TBC1D5: variants seen among roughly 807,000 people sequenced by gnomAD.
The protein encoded by TBC1D5 is TBC1 domain family, member 5.
A neutral mutation model predicts 100.3 loss-of-function variants in TBC1D5; 75 were observed. The observed-to-expected ratio is 0.75, with a 90% CI of 0.62 to 0.91. The LOEUF (loss-of-function observed/expected upper bound fraction) is 0.91. TBC1D5 is among the 40% of genes least tolerant of loss of function. TBC1D5 has a pLI of 0.00. For synonymous variants in TBC1D5, 323 were observed against 325.6 expected, an observed-to-expected ratio of 0.99 and a Z score of 0.09; for missense variants, 910 against 942.4, an observed-to-expected ratio of 0.97 and a Z score of 0.45.
chr3:17,531,464 CA>C (rs1427257247), intron 2 of TBC1D5, among the ~76,000 whole-genome samples: 2 of 152,208 alleles, frequency 1.3e-5, no homozygotes, highest in Non-Finnish European at 2.9e-5. Flanking sequence ...CGACTTTCTT[CA>C]CAGAATTGGA....
intron 13 of TBC1D5, among the ~76,000 whole-genome samples, chr3:17,315,036 A>T (rs1261555865): frequency 6.6e-6 from 1 of 152,206 alleles, no homozygotes; most frequent in Non-Finnish European, 1.5e-5. Flanking sequence ...TGTATTTTGA[A>T]CTAGTTCCCA....
intron 10 of TBC1D5, 22 bp from the exon 11 acceptor site, chr3:17,374,701 A>T: frequency 6.2e-7 from 1 of 1,606,680 alleles, no homozygotes; most frequent in Non-Finnish European, 8.5e-7. Flanking sequence ...AATACAAGCA[A>T]TCAAAATGTG....
exon 22 of TBC1D5, chr3:17,157,177 A>C (rs1027884911): frequency 2.6e-5 from 4 of 152,264 alleles, no homozygotes; most frequent in Admixed American, 2.6e-4. Context: ...GTTTGACATT[A>C]GTCTTTTATT....
intron 2 of TBC1D5, among the ~76,000 whole-genome samples, chr3:17,549,825 G>A (rs2096456909): frequency 1.3e-5 from 2 of 152,116 alleles, no homozygotes; most frequent in South Asian, 4.2e-4. Context: ...AGCTACTCGT[G>A]AGGCTGAGGC....
At chr3:17,181,008 A>C (rs772007627) in intron 19 of TBC1D5, among the ~76,000 whole-genome samples, 6 of 152,164 alleles carry the variant, frequency 3.9e-5, no homozygotes, top group Non-Finnish European at 7.3e-5. Flanking sequence ...AACATTAGGA[A>C]AGGATCTGGA....
At chr3:17,222,739 AT>A (rs879881990) in intron 17 of TBC1D5, among the ~76,000 whole-genome samples, 164 of 144,860 alleles carry the variant, frequency 1.1e-3, no homozygotes, top group Non-Finnish European at 1.6e-3. Flanking sequence ...TGCTTATGGG[AT>A]TTTTTTTTTT....
At chr3:17,592,266 A>G (rs546624646) in intron 2 of TBC1D5, among the ~76,000 whole-genome samples, 2 of 152,240 alleles carry the variant, frequency 1.3e-5, no homozygotes, top group Non-Finnish European at 2.9e-5. Flanking sequence ...GTAAGATATC[A>G]TACTGGTCCA....
intron 13 of TBC1D5, among the ~76,000 whole-genome samples, chr3:17,340,120 A>T (rs2088628687): frequency 6.6e-6 from 1 of 152,152 alleles, no homozygotes; most frequent in Non-Finnish European, 1.5e-5. Context: ...AGCTCCCCAG[A>T]TGGAAGTGAC....
At chr3:17,528,719 C>A (rs1429882479) in intron 2 of TBC1D5, among the ~76,000 whole-genome samples, 1 of 151,984 alleles carries the variant, frequency 6.6e-6, no homozygotes, top group Non-Finnish European at 1.5e-5. Context: ...TAGTAAGCAC[C>A]CAAAGCCAGA....
intron 3 of TBC1D5, among the ~76,000 whole-genome samples, chr3:17,480,973 C>T (rs908766075): frequency 1.3e-5 from 2 of 152,328 alleles, no homozygotes; most frequent in African/African-American, 4.8e-5. Flanking sequence ...TCCCCCACTG[C>T]TCACCACATT....
intron 4 of TBC1D5, among the ~76,000 whole-genome samples, chr3:17,422,943 A>C (rs1046348265): frequency 1.3e-5 from 2 of 152,222 alleles, no homozygotes; most frequent in African/African-American, 2.4e-5. Flanking sequence ...TCAATGATTC[A>C]AGAAAATTCA....
intron 13 of TBC1D5, among the ~76,000 whole-genome samples, chr3:17,360,916 C>T (rs1197018282): frequency 6.6e-6 from 1 of 151,784 alleles, no homozygotes; most frequent in Non-Finnish European, 1.5e-5. Flanking sequence ...TACTAGGTTC[C>T]AAAACACCAG....
At chr3:17,257,836 T>A (rs1302719025) in intron 16 of TBC1D5, among the ~76,000 whole-genome samples, 1 of 152,176 alleles carries the variant, frequency 6.6e-6, no homozygotes, top group African/African-American at 2.4e-5. Context: ...TCGGACAACT[T>A]GGCAGCATTT....
intron 8 of TBC1D5, among the ~76,000 whole-genome samples, chr3:17,387,244 A>C (rs958579214): frequency 6.6e-6 from 1 of 152,160 alleles, no homozygotes; most frequent in East Asian, 1.9e-4. Flanking sequence ...GAGATTATCC[A>C]GTCCAACTCA....
chr3:17,594,078 G>A (rs1011576433), intron 2 of TBC1D5, among the ~76,000 whole-genome samples: 1 of 152,110 alleles, frequency 6.6e-6, no homozygotes, highest in Non-Finnish European at 1.5e-5. Context: ...AGGAACGATG[G>A]CACCAGGAGA....
chr3:17,630,044 C>A (rs1032809966), intron 1 of TBC1D5, among the ~76,000 whole-genome samples: 1 of 152,204 alleles, frequency 6.6e-6, no homozygotes, highest in Non-Finnish European at 1.5e-5. Context: ...CCCTATTCAG[C>A]ACAATACCCA....
At chr3:17,433,097 C>A (rs2094472820) in intron 3 of TBC1D5, among the ~76,000 whole-genome samples, 2 of 150,642 alleles carry the variant, frequency 1.3e-5, no homozygotes, top group African/African-American at 4.8e-5. Flanking sequence ...GGGTGGGAGT[C>A]TGGTACTTAG....
chr3:17,663,404 G>C (rs1206125158), intron 1 of TBC1D5, among the ~76,000 whole-genome samples: 1 of 151,656 alleles, frequency 6.6e-6, no homozygotes, highest in Non-Finnish European at 1.5e-5. Flanking sequence ...ATATAATATA[G>C]TAATTAAATA....
chr3:17,213,579 A>G (rs2073242154), intron 18 of TBC1D5, among the ~76,000 whole-genome samples: 2 of 152,046 alleles, frequency 1.3e-5, no homozygotes, highest in African/African-American at 4.8e-5. Flanking sequence ...CAGCCTGGCC[A>G]ATATGGCAAA....
Sources: allele counts gnomAD v4.1 joint callset (sites outside exome capture counted in the v4.1 genomes callset), GRCh38; gene constraint gnomAD v4.1.1; transcripts MANE v1.5; gene names NCBI Gene and HGNC (gene_info 2026-07-23, HGNC 2026-07-21).